The following RHOT1 variants were observed in gnomAD, a reference collection of about 807,000 sequenced individuals.
The protein encoded by RHOT1 is mitochondrial Rho GTPase 1.
A neutral mutation model predicts 95.3 loss-of-function variants in RHOT1; 27 were observed. That is an observed-to-expected ratio of 0.28 (90% CI 0.21 to 0.39). RHOT1 has a LOEUF of 0.39. Among genes scored for constraint, RHOT1 ranks in the 10% least tolerant of loss-of-function variants. The pLI is 1.00. For synonymous variants in RHOT1, 227 were observed against 263.5 expected, an observed-to-expected ratio of 0.86 and a Z score of 1.34; for missense variants, 578 against 786.7, an observed-to-expected ratio of 0.73 and a Z score of 3.17.
chr17:32,154,550 G>T (rs988372349), intron 1 of RHOT1, among the ~76,000 whole-genome samples: 29 of 142,806 alleles, frequency 2.0e-4, no homozygotes, highest in Admixed American at 8.0e-4. Flanking sequence ...CGGCGCCACT[G>T]CACTCCAGCC....
At chr17:32,145,865 A>C (rs2031244780) in intron 1 of RHOT1, among the ~76,000 whole-genome samples, 1 of 152,052 alleles carries the variant, frequency 6.6e-6, no homozygotes, top group African/African-American at 2.4e-5. Flanking sequence ...AAATACAAAA[A>C]ATTAGCTGGG....
intron 19 of RHOT1, chr17:32,211,520 A>G (rs2038134107): frequency 1.4e-5 from 3 of 220,750 alleles, no homozygotes; most frequent in Non-Finnish European, 1.8e-5. Context: ...TAATATGTAT[A>G]GGGAAATTAA....
At chr17:32,211,785 C>A (rs949030737) in intron 19 of RHOT1, among the ~76,000 whole-genome samples, 1 of 151,882 alleles carries the variant, frequency 6.6e-6, no homozygotes, top group African/African-American at 2.4e-5. Flanking sequence ...GGATAATAAC[C>A]AACTTTAAGA....
chr17:32,156,565 C>G (rs936604658), intron 1 of RHOT1, among the ~76,000 whole-genome samples: 1 of 152,248 alleles, frequency 6.6e-6, no homozygotes, highest in African/African-American at 2.4e-5. Flanking sequence ...GCTGCCATGC[C>G]CAGCCCTTAA....
intron 8 of RHOT1, among the ~76,000 whole-genome samples, chr17:32,191,373 T>C (rs1399450370): frequency 6.6e-6 from 1 of 152,218 alleles, no homozygotes; most frequent in East Asian, 1.9e-4. Flanking sequence ...ACATCTCATT[T>C]CTCTGATTTA....
At chr17:32,203,867 G>T in intron 15 of RHOT1, 23 bp from the exon 16 acceptor site, 1 of 1,570,398 alleles carries the variant, frequency 6.4e-7, no homozygotes, top group South Asian at 1.1e-5. Flanking sequence ...TGCAGATATT[G>T]AGATTTTCGG....
chr17:32,171,218 CTT>C, intron 2 of RHOT1, 117 bp downstream of exon 2: 2 of 659,622 alleles, frequency 3.0e-6, no homozygotes, highest in Middle Eastern at 4.4e-4. Flanking sequence ...ACAGTTGAGA[CTT>C]TTTTTTCTCC....
Position 32,142,680 on chromosome 17 carries a change from G to A in RHOT1, c.-13G>A. The A allele has an allele frequency of 5.2e-6, 8 of 1,529,436 alleles. No individual in the cohort carries two copies. Among genetic ancestry groups the A allele is most frequent in the Non-Finnish European group, 7.0e-6 (8 of 1,139,408 alleles). The allele number at this position is 1,529,436 out of a possible 1,614,324, so 94.7% of individuals were successfully genotyped here. A position where few individuals can be genotyped will look rare whatever the true frequency, so the allele number is the denominator to read the frequency against. ...TGCGTGCGGGCGGAGGCCGGCCCCCGAGAGCCGCCGACATGAAGAAAGACG... is the reference window on the plus strand; with the variant it reads ...TGCGTGCGGGCGGAGGCCGGCCCCCAAGAGCCGCCGACATGAAGAAAGACG... On this transcript the variant is annotated 5_prime_UTR_variant, in exon 1 of 20. Transcript: ENST00000545287.
chr17:32,194,442 T>C (rs1347825257), intron 11 of RHOT1, among the ~76,000 whole-genome samples: 1 of 152,240 alleles, frequency 6.6e-6, no homozygotes, highest in African/African-American at 2.4e-5. Context: ...TTTTTTGTTG[T>C]GGATGTCCTG....
At chr17:32,185,053 G>A (rs1215833137) in intron 8 of RHOT1, among the ~76,000 whole-genome samples, 2 of 151,820 alleles carry the variant, frequency 1.3e-5, no homozygotes, top group African/African-American at 4.8e-5. Flanking sequence ...TCAAGTAGCT[G>A]GGACTATAGG....
chr17:32,215,006 A>G (rs1312445273), intron 19 of RHOT1, among the ~76,000 whole-genome samples: 1 of 142,360 alleles, frequency 7.0e-6, no homozygotes, highest in Non-Finnish European at 1.5e-5. Flanking sequence ...TCCCAGGTTC[A>G]AGTGATTCTC....
At chr17:32,151,983 C>A (rs780779606) in intron 1 of RHOT1, among the ~76,000 whole-genome samples, 3 of 151,614 alleles carry the variant, frequency 2.0e-5, no homozygotes, top group Non-Finnish European at 2.9e-5. Flanking sequence ...AATTACTTCA[C>A]AAACTAGATG....
chr17:32,195,591 C>G (rs2036820195), intron 11 of RHOT1, among the ~76,000 whole-genome samples: 1 of 152,254 alleles, frequency 6.6e-6, no homozygotes, highest in South Asian at 2.1e-4. Flanking sequence ...AATCATTCTT[C>G]ATTTTTTCAT....
At position 32,224,704 on chromosome 17, in the gene RHOT1, A is replaced by T; in HGVS notation, c.1951A>T (p.Met651Leu). ...ATVFAVLGFA[M>L]YKALLKQR ...TGTTTTTGCAGTTTTGGGCTTTGCT[A>T]TGTACAAAGCATTATTGAAACAGCG... The change falls in exon 20 of 20, where the codon ATG becomes TTG. Residue 651 changes from methionine to leucine, a missense_variant. By Grantham distance (15) the Met-to-Leu change is conservative. Coordinates refer to ENST00000545287, the MANE Select transcript of RHOT1 (RefSeq NM_001033566.3). The T allele has an allele frequency of 6.2e-7, 1 of 1,612,482 alleles. No individual in the cohort carries two copies. Among genetic ancestry groups the T allele is most frequent in the Non-Finnish European group, 8.5e-7 (1 of 1,178,798 alleles).
At chr17:32,209,619 A>G (rs142826460) in intron 18 of RHOT1, 18 of 493,362 alleles carry the variant, frequency 3.6e-5, no homozygotes, top group Middle Eastern at 5.4e-4. Flanking sequence ...ACATAAATGT[A>G]CTTCTTTAAT....
intron 1 of RHOT1, among the ~76,000 whole-genome samples, chr17:32,157,848 T>C (rs909528070): frequency 1.3e-5 from 2 of 151,460 alleles, no homozygotes; most frequent in Admixed American, 1.3e-4. Flanking sequence ...AGAATACGTG[T>C]GTCTTAATTG....
chr17:32,149,824 C>G (rs940660016), intron 1 of RHOT1, among the ~76,000 whole-genome samples: 2 of 151,694 alleles, frequency 1.3e-5, no homozygotes, highest in Admixed American at 1.3e-4. Context: ...TCTCGGCTCA[C>G]TGTAACCTCC....
chr17:32,168,133 CA>C (rs2034254342), intron 1 of RHOT1, among the ~76,000 whole-genome samples: 2 of 151,938 alleles, frequency 1.3e-5, no homozygotes, highest in African/African-American at 4.8e-5. Flanking sequence ...AGATTCCTTT[CA>C]AAATATTACT....
chr17:32,168,106 C>G (rs1461678787), intron 1 of RHOT1, among the ~76,000 whole-genome samples: 2 of 151,548 alleles, frequency 1.3e-5, no homozygotes, highest in African/African-American at 2.4e-5. Context: ...TTGAGACCTA[C>G]TCCTCAAAAA....
Sources: gnomAD v4.1 joint callset for allele counts (sites outside exome capture counted in the v4.1 genomes callset) on GRCh38, gnomAD v4.1.1 for gene constraint, MANE v1.5 for transcripts, NCBI Gene and HGNC (gene_info 2026-07-23, HGNC 2026-07-21) for gene names.